The following FHIT variants were observed in gnomAD, a reference collection of about 807,000 sequenced individuals.
FHIT encodes bis(5'-adenosyl)-triphosphatase.
In FHIT, 19 loss-of-function variants were observed where a neutral mutation model predicts 17.9. The observed-to-expected ratio is 1.06, with a 90% CI of 0.74 to 1.56. The LOEUF is 1.56. Among genes scored for constraint, FHIT ranks in the 40% most tolerant of loss-of-function variants. The probability of loss-of-function intolerance (pLI) is 0.00; values close to 1 mark genes in which losing one functional copy is unlikely to be tolerated. For missense variants in FHIT, 248 were observed against 189.2 expected (o/e 1.31, Z -1.82); for synonymous variants, 81 against 69.7 (o/e 1.16, Z -0.81).
At chr3:60,595,891 C>T (rs782276077) in intron 4 of FHIT, among the ~76,000 whole-genome samples, 3 of 151,878 alleles carry the variant, frequency 2.0e-5, no homozygotes, top group Admixed American at 6.6e-5. Context: ...TCCCACAGCA[C>T]GGGAATTATA....
At chr3:61,067,923 A>G (rs2034668529) in intron 2 of FHIT, among the ~76,000 whole-genome samples, 1 of 152,180 alleles carries the variant, frequency 6.6e-6, no homozygotes, top group South Asian at 2.1e-4. Flanking sequence ...CTGGGCAGCT[A>G]TATTCCTACT....
intron 5 of FHIT, among the ~76,000 whole-genome samples, chr3:60,178,802 C>G (rs1701794934): frequency 6.6e-6 from 1 of 152,102 alleles, no homozygotes; most frequent in South Asian, 2.1e-4. Flanking sequence ...GAAAACTAAA[C>G]TGTATTCCTA....
intron 5 of FHIT, among the ~76,000 whole-genome samples, chr3:60,306,748 T>A (rs1321572817): frequency 6.6e-6 from 1 of 152,092 alleles, no homozygotes; most frequent in Non-Finnish European, 1.5e-5. Context: ...ACAAACACAT[T>A]ACATGATTTT....
At chr3:60,554,762 C>T (rs928030995) in intron 4 of FHIT, among the ~76,000 whole-genome samples, 1 of 152,022 alleles carries the variant, frequency 6.6e-6, no homozygotes, top group African/African-American at 2.4e-5. Context: ...ATTAAAGTTC[C>T]CAACATAAGT....
Position 60,509,425 on chromosome 3 carries a change from C to A in FHIT, c.103+27435G>T, listed in dbSNP as rs557765129. 2.0e-5 allele frequency among the ~76,000 whole-genome samples: 3 copies of A among 152,294 alleles called. No homozygotes were observed. The East Asian group carries it at 5.8e-4, about 29-fold the overall frequency. On this transcript the variant is annotated intron_variant, in intron 5 of 9. Transcript: ENST00000492590. ...TCAGATAAGACAAGTTGTCCAAAAT[C>A]ACACAGATAATAAATAGATGAATTA...
chr3:60,967,913 A>C (rs73100098), intron 3 of FHIT, among the ~76,000 whole-genome samples: 14,395 of 152,232 alleles, frequency 0.095, 936 homozygotes, highest in East Asian at 0.24. Flanking sequence ...AAATATGCTA[A>C]TTCGCCACTA....
At chr3:60,890,001 CAG>C (rs1384354293) in intron 3 of FHIT, among the ~76,000 whole-genome samples, 1 of 152,062 alleles carries the variant, frequency 6.6e-6, no homozygotes, top group East Asian at 1.9e-4. Flanking sequence ...TCTTTTCAGT[CAG>C]AGTTTATGAA....
At chr3:59,884,137 A>G (rs1430625565) in intron 8 of FHIT, among the ~76,000 whole-genome samples, 7 of 152,224 alleles carry the variant, frequency 4.6e-5, no homozygotes, top group East Asian at 1.9e-4. Context: ...TTTTCAAATC[A>G]TGGCTGAATC....
chr3:60,828,758 A>T (rs987883942), intron 3 of FHIT, among the ~76,000 whole-genome samples: 1 of 152,116 alleles, frequency 6.6e-6, no homozygotes, highest in Non-Finnish European at 1.5e-5. Context: ...GGTGCCTGTA[A>T]TCCCAGCCAC....
At chr3:60,803,539 A>G (rs1701273724) in intron 4 of FHIT, among the ~76,000 whole-genome samples, 1 of 152,154 alleles carries the variant, frequency 6.6e-6, no homozygotes, top group Admixed American at 6.5e-5. Flanking sequence ...TGCAGTGTAT[A>G]AGCAATTGGA....
chr3:60,067,234 T>C (rs1702555382), intron 5 of FHIT, among the ~76,000 whole-genome samples: 1 of 152,154 alleles, frequency 6.6e-6, no homozygotes. Flanking sequence ...AAATGGCACT[T>C]ATAGATACAT....
intron 8 of FHIT, among the ~76,000 whole-genome samples, chr3:59,761,868 T>C (rs1262429169): frequency 1.3e-5 from 2 of 152,160 alleles, no homozygotes; most frequent in African/African-American, 4.8e-5. Flanking sequence ...AGTTCTGGGA[T>C]TGTAGGTGTG....
intron 3 of FHIT, among the ~76,000 whole-genome samples, chr3:61,026,669 T>A (rs2032749471): frequency 6.6e-6 from 1 of 152,218 alleles, no homozygotes. Flanking sequence ...AATTTTTTTT[T>A]AAGCTCATCA....
chr3:60,080,998 A>G (rs1263230111), intron 5 of FHIT, among the ~76,000 whole-genome samples: 1 of 152,152 alleles, frequency 6.6e-6, no homozygotes, highest in African/African-American at 2.4e-5. Flanking sequence ...GCAGGCATCT[A>G]TCTCTATCAA....
rs534831678 is a variant in FHIT, at chr3:60,962,744, G to A, written c.-111+79303C>T. ...TGATGGATTATGTTTATTGATTTGCGTATGTGAACCAGCCTTGCATCCCAG... is the reference window on the plus strand; with the variant it reads ...TGATGGATTATGTTTATTGATTTGCATATGTGAACCAGCCTTGCATCCCAG... On this transcript the variant is annotated intron_variant, in intron 3 of 9. Transcript: ENST00000492590. 9.2e-5 allele frequency among the ~76,000 whole-genome samples: 14 copies of A among 152,230 alleles called. No individual in the cohort carries two copies. The South Asian group carries it at 1.0e-3, about 11-fold the overall frequency.
At chr3:61,124,238 A>C (rs552054937) in intron 2 of FHIT, among the ~76,000 whole-genome samples, 1 of 152,298 alleles carries the variant, frequency 6.6e-6, no homozygotes, top group Admixed American at 6.5e-5. Context: ...TGAGTGTATG[A>C]TTGCCTATGC....
At chr3:60,406,377 T>C (rs1701857393) in intron 5 of FHIT, among the ~76,000 whole-genome samples, 1 of 152,152 alleles carries the variant, frequency 6.6e-6, no homozygotes, top group Non-Finnish European at 1.5e-5. Context: ...ATCCCTCTCT[T>C]CAGACAAAAT....
intron 5 of FHIT, among the ~76,000 whole-genome samples, chr3:60,065,690 C>A (rs1702469785): frequency 6.6e-6 from 1 of 152,170 alleles, no homozygotes; most frequent in South Asian, 2.1e-4. Context: ...AATTACACAT[C>A]TACAGAGCTT....
At chr3:60,365,114 ATATATATAATAC>A (rs2107022558) in intron 5 of FHIT, among the ~76,000 whole-genome samples, 1 of 149,358 alleles carries the variant, frequency 6.7e-6, no homozygotes, top group South Asian at 2.1e-4. Context: ...ACAGAACATT[ATATATATAATAC>A]TAAGACCTAT....
Sources: allele counts gnomAD v4.1 joint callset (sites outside exome capture counted in the v4.1 genomes callset), GRCh38; gene constraint gnomAD v4.1.1; transcripts MANE v1.5; gene names NCBI Gene and HGNC (gene_info 2026-07-23, HGNC 2026-07-21).